Variants in RNF217 observed in about 807,000 individuals in gnomAD.
RNF217 encodes E3 ubiquitin-protein ligase RNF217.
In RNF217, 31 loss-of-function variants were observed where a neutral mutation model predicts 57.8. The observed-to-expected ratio is 0.54, with a 90% confidence interval of 0.40 to 0.72. The LOEUF (loss-of-function observed/expected upper bound fraction) is 0.72, where lower values mean the gene tolerates loss of function less well. Ranked by LOEUF, RNF217 falls within the 30% of genes least tolerant of loss-of-function variation. The pLI, the probability that RNF217 is intolerant of heterozygous loss-of-function variation, is 0.00. For synonymous variants in RNF217, 313 were observed against 294.0 expected (o/e 1.06, Z -0.66); for missense variants, 696 against 708.3 (o/e 0.98, Z 0.20).
At chr6:124,992,237 A>G (rs1784587523) in intron 1 of RNF217, among the ~76,000 whole-genome samples, 1 of 152,184 alleles carries the variant, frequency 6.6e-6, no homozygotes, top group South Asian at 2.1e-4. Context: ...TAGGACATGT[A>G]TTCATTTTTA....
intron 1 of RNF217, among the ~76,000 whole-genome samples, chr6:124,985,212 C>T (rs1382897425): frequency 6.6e-6 from 1 of 152,100 alleles, no homozygotes; most frequent in Non-Finnish European, 1.5e-5. Context: ...CTGTTTGTTC[C>T]CAGAAAAACT....
intron 1 of RNF217, among the ~76,000 whole-genome samples, chr6:124,974,572 C>A (rs557708846): frequency 2.0e-5 from 3 of 152,250 alleles, no homozygotes; most frequent in South Asian, 4.1e-4. Flanking sequence ...TAATATTATT[C>A]TGTATAGCAT....
At chr6:125,013,979 T>C (rs1785514004) in intron 1 of RNF217, among the ~76,000 whole-genome samples, 1 of 152,216 alleles carries the variant, frequency 6.6e-6, no homozygotes, top group South Asian at 2.1e-4. Flanking sequence ...TCATCCTGTC[T>C]CTGTTTATAA....
chr6:125,055,217 G>A (rs1049345449), intron 2 of RNF217, among the ~76,000 whole-genome samples: 11 of 152,264 alleles, frequency 7.2e-5, no homozygotes, highest in Middle Eastern at 3.4e-3. Flanking sequence ...GATGTTTTCA[G>A]TGAGAGATAG....
At chr6:124,972,085 C>A (rs935308544) in intron 1 of RNF217, among the ~76,000 whole-genome samples, 3 of 152,136 alleles carry the variant, frequency 2.0e-5, no homozygotes, top group African/African-American at 7.2e-5. Context: ...AAAACTAAAT[C>A]CCCCTTTCCT....
At chr6:124,986,281 G>C (rs1784361371) in intron 1 of RNF217, among the ~76,000 whole-genome samples, 1 of 152,164 alleles carries the variant, frequency 6.6e-6, no homozygotes, top group African/African-American at 2.4e-5. Context: ...TTGTGACCTT[G>C]TTTTTTGGTG....
chr6:124,998,540 C>T (rs1784837434), intron 1 of RNF217, among the ~76,000 whole-genome samples: 1 of 152,086 alleles, frequency 6.6e-6, no homozygotes, highest in African/African-American at 2.4e-5. Context: ...TGGCTCAAAC[C>T]TGTAGTCGCA....
chr6:125,047,990 A>G (rs1324981793), intron 2 of RNF217, among the ~76,000 whole-genome samples: 2 of 152,132 alleles, frequency 1.3e-5, no homozygotes, highest in Non-Finnish European at 2.9e-5. Flanking sequence ...TCCTTGATCT[A>G]TGCTGTACAA....
chr6:125,054,923 T>C (rs2114575658), intron 2 of RNF217, among the ~76,000 whole-genome samples: 1 of 152,284 alleles, frequency 6.6e-6, no homozygotes. Flanking sequence ...GTGACTGTAA[T>C]TACTAAGAAG....
rs1562503767 is a variant in RNF217, at chr6:125,087,542, A to G, written c.*4605A>G. 1.3e-5 allele frequency: 2 copies of G among 152,180 alleles called. No homozygotes were observed. Among genetic ancestry groups the G allele is most frequent in the South Asian group, 2.1e-4 (1 of 4,836 alleles). The allele number at this position is 152,180 out of a possible 1,614,324, so 9.4% of individuals were successfully genotyped here. The stretch of plus-strand genomic sequence containing the variant: ...CATTTAAATAATGACAAAGCAATCA[A>G]TGCATACATTTCAATGGAGACAGTA... On this transcript the variant is annotated 3_prime_UTR_variant, in exon 6 of 6. Coordinates refer to ENST00000521654, the MANE Select transcript of RNF217 (RefSeq NM_001286398.3).
intron 3 of RNF217, among the ~76,000 whole-genome samples, chr6:125,059,044 G>A (rs1248483321): frequency 2.0e-5 from 3 of 152,068 alleles, no homozygotes; most frequent in Admixed American, 1.3e-4. Context: ...AATACAATTG[G>A]AAGTAAAAGT....
chr6:125,073,478 A>G (rs1440802552), intron 3 of RNF217, among the ~76,000 whole-genome samples: 1 of 152,216 alleles, frequency 6.6e-6, no homozygotes, highest in Non-Finnish European at 1.5e-5. Flanking sequence ...TAAACAATCT[A>G]CAGGCCTTGC....
intron 3 of RNF217, among the ~76,000 whole-genome samples, chr6:125,060,746 T>C (rs1053549772): frequency 3.3e-5 from 5 of 152,108 alleles, no homozygotes; most frequent in Admixed American, 6.6e-5. Flanking sequence ...CGCCAAACCA[T>C]ATTTTGATTT....
chr6:124,973,197 A>G (rs1280647073), intron 1 of RNF217, among the ~76,000 whole-genome samples: 1 of 152,176 alleles, frequency 6.6e-6, no homozygotes, highest in Non-Finnish European at 1.5e-5. Context: ...CCCAGCTCAT[A>G]ACACTGTGGA....
chr6:125,062,608 C>A (rs1025662627), intron 3 of RNF217, among the ~76,000 whole-genome samples: 8 of 152,050 alleles, frequency 5.3e-5, no homozygotes, highest in African/African-American at 1.9e-4. Flanking sequence ...TGGAGTCTCA[C>A]TCTTTTCACC....
At position 125,053,075 on chromosome 6, in the gene RNF217, C is replaced by T. The variant is rs1787389001; in HGVS notation, c.1117-4867C>T. Among the ~76,000 whole-genome samples the T allele has an allele frequency of 3.9e-5, 6 of 152,154 alleles. No individual in the cohort carries two copies. The South Asian group carries it at 1.2e-3, about 32-fold the overall frequency. On this transcript the variant is annotated intron_variant, in intron 2 of 5. Coordinates refer to ENST00000521654, the MANE Select transcript of RNF217 (RefSeq NM_001286398.3). ...TCTGTGTGGTGGCTCAGGATGGACC[C>T]TCTATTCAAAGTGTTACCTCATCAC...
chr6:124,987,861 A>G (rs752072282), intron 1 of RNF217, among the ~76,000 whole-genome samples: 8 of 152,170 alleles, frequency 5.3e-5, no homozygotes, highest in Middle Eastern at 3.2e-3. Context: ...TTTTACTGCA[A>G]TATTAACTTG....
At chr6:125,020,811 C>CT (rs1376309992) in intron 1 of RNF217, among the ~76,000 whole-genome samples, 2 of 152,122 alleles carry the variant, frequency 1.3e-5, no homozygotes, top group African/African-American at 2.4e-5. Flanking sequence ...AATAAATACT[C>CT]TAACATATAT....
Position 124,963,350 on chromosome 6 carries a change from ACAAGCCCAT to A in RNF217, c.814_822del (p.Ile272_Pro274del). ...CTGATGTGCCGGGTGTGCCTGGAAG[ACAAGCCCAT>A]CAAGCCCCTGCCTTGCTGCAAGAAG... On this transcript the variant is annotated inframe_deletion, in exon 1 of 6. Coordinates refer to ENST00000521654, the MANE Select transcript of RNF217 (RefSeq NM_001286398.3). The A allele has an allele frequency of 6.5e-7, 1 of 1,532,862 alleles. No individual in the cohort carries two copies. The highest frequency in any genetic ancestry group is 8.7e-7 in the Non-Finnish European group (1 of 1,145,312). The allele number at this position is 1,532,862 out of a possible 1,614,324, so 95.0% of individuals were successfully genotyped here. A position where few individuals can be genotyped will look rare whatever the true frequency, so the allele number is the denominator to read the frequency against.
Sources: gnomAD v4.1 joint callset for allele counts (sites outside exome capture counted in the v4.1 genomes callset) on GRCh38, gnomAD v4.1.1 for gene constraint, MANE v1.5 for transcripts, NCBI Gene and HGNC (gene_info 2026-07-23, HGNC 2026-07-21) for gene names.